The following CAMK1D variants were observed in gnomAD, a reference collection of about 807,000 sequenced individuals.
The protein encoded by CAMK1D is calcium/calmodulin dependent protein kinase ID.
Under a neutral mutation model 47.7 loss-of-function variants are expected in CAMK1D, and 9 were observed. That is an observed-to-expected ratio of 0.19 (90% CI 0.11 to 0.33). CAMK1D has a LOEUF of 0.33. Ranked by LOEUF, CAMK1D falls within the 10% of genes least tolerant of loss-of-function variation. CAMK1D has a pLI of 1.00. For synonymous variants in CAMK1D, 184 were observed against 184.9 expected, an observed-to-expected ratio of 0.99 and a Z score of 0.04; for missense variants, 291 against 488.7, an observed-to-expected ratio of 0.60 and a Z score of 3.81.
intron 1 of CAMK1D, among the ~76,000 whole-genome samples, chr10:12,376,353 A>C (rs1334467550): frequency 2.0e-5 from 3 of 152,018 alleles, no homozygotes; most frequent in Admixed American, 6.6e-5. Context: ...TAAAAGAATA[A>C]GTCAGAGGGC....
At chr10:12,666,052 C>T (rs1047507219) in intron 2 of CAMK1D, among the ~76,000 whole-genome samples, 3 of 152,150 alleles carry the variant, frequency 2.0e-5, no homozygotes, top group African/African-American at 4.8e-5. Context: ...TGTCGTGGGG[C>T]CTGATAATTT....
At chr10:12,425,561 C>T (rs960065335) in intron 1 of CAMK1D, among the ~76,000 whole-genome samples, 11 of 152,108 alleles carry the variant, frequency 7.2e-5, no homozygotes, top group African/African-American at 1.2e-4. Flanking sequence ...GGATTACAGG[C>T]GTGAGCCACC....
intron 1 of CAMK1D, among the ~76,000 whole-genome samples, 184 bp from the exon 2 acceptor site, chr10:12,553,041 C>T (rs1399906384): frequency 6.6e-6 from 1 of 152,132 alleles, no homozygotes; most frequent in Non-Finnish European, 1.5e-5. Flanking sequence ...CTGCGCCGGG[C>T]TGCCCCTGTG....
intron 3 of CAMK1D, among the ~76,000 whole-genome samples, chr10:12,731,398 G>GAT (rs1258066248): frequency 6.6e-6 from 1 of 152,206 alleles, no homozygotes; most frequent in African/African-American, 2.4e-5. Context: ...AATAGAGATT[G>GAT]GAGAAGAGGA....
At chr10:12,619,152 A>G (rs1254590031) in intron 2 of CAMK1D, among the ~76,000 whole-genome samples, 1 of 152,222 alleles carries the variant, frequency 6.6e-6, no homozygotes, top group Non-Finnish European at 1.5e-5. Context: ...CTGTCTGCTA[A>G]GTAGTTTAAG....
chr10:12,460,611 G>A (rs1016107065), intron 1 of CAMK1D, among the ~76,000 whole-genome samples: 2 of 152,026 alleles, frequency 1.3e-5, no homozygotes, highest in African/African-American at 4.8e-5. Context: ...TGTATTTTTA[G>A]TAGACATGGG....
At position 12,771,315 on chromosome 10, in the gene CAMK1D, T is replaced by C. The variant is rs955117254; in HGVS notation, c.565+1516T>C. On this transcript the variant is annotated intron_variant, in intron 5 of 10. Transcript: ENST00000619168. ...CCCACCTGAGAGAGGAGGTATGTTA[T>C]GTGACCAGCATCACCCTGTGGGTCT... 3.3e-5 allele frequency among the ~76,000 whole-genome samples: 5 copies of C among 152,338 alleles called. No individual in the cohort carries two copies. In the East Asian group the frequency reaches 9.6e-4, roughly 29 times the overall value.
chr10:12,547,639 AC>A (rs11393244), intron 1 of CAMK1D, among the ~76,000 whole-genome samples: 3,032 of 109,116 alleles, frequency 0.028, 178 homozygotes, highest in African/African-American at 0.11. Context: ...TCACGAGGAC[AC>A]CCCCCCCCCA....
chr10:12,360,967 A>G (rs1461235905), intron 1 of CAMK1D, among the ~76,000 whole-genome samples: 2 of 152,164 alleles, frequency 1.3e-5, no homozygotes, highest in African/African-American at 2.4e-5. Flanking sequence ...TCACCAGGAA[A>G]AATTCCACTT....
chr10:12,633,056 C>T lies in CAMK1D; in HGVS notation c.225-33680C>T, dbSNP rs575806029. 7.2e-5 allele frequency among the ~76,000 whole-genome samples: 11 copies of T among 152,268 alleles called. No individual in the cohort carries two copies. In the East Asian group the frequency reaches 1.5e-3, roughly 21 times the overall value. ...ATGTGAGTGTTGCCTGACTTGGTGT[C>T]CCCGTGAGGCCCCAGCAGGCTGACC... On this transcript the variant is annotated intron_variant, in intron 2 of 10. Transcript: ENST00000619168.
intron 2 of CAMK1D, among the ~76,000 whole-genome samples, chr10:12,573,019 G>T (rs1469172786): frequency 1.3e-5 from 2 of 152,242 alleles, no homozygotes; most frequent in African/African-American, 4.8e-5. Context: ...GGAGGCGAGT[G>T]TTTAAAGTCT....
chr10:12,547,929 T>TA (rs1836449213), intron 1 of CAMK1D, among the ~76,000 whole-genome samples: 1 of 152,198 alleles, frequency 6.6e-6, no homozygotes, highest in Non-Finnish European at 1.5e-5. Flanking sequence ...GGCTAAATGA[T>TA]AAAGCAGCTG....
chr10:12,471,694 C>T (rs1833750911), intron 1 of CAMK1D, among the ~76,000 whole-genome samples: 1 of 152,112 alleles, frequency 6.6e-6, no homozygotes, highest in African/African-American at 2.4e-5. Flanking sequence ...TCCTTTCCTG[C>T]GAGCACTATT....
chr10:12,779,979 C>T (rs747615713), intron 5 of CAMK1D, among the ~76,000 whole-genome samples: 4 of 152,200 alleles, frequency 2.6e-5, no homozygotes, highest in Non-Finnish European at 5.9e-5. Context: ...ACTTAGTTGC[C>T]ATGTTGGCTG....
chr10:12,812,746 C>A (rs1020012107), intron 6 of CAMK1D, among the ~76,000 whole-genome samples: 2 of 152,204 alleles, frequency 1.3e-5, no homozygotes, highest in Admixed American at 1.3e-4. Context: ...CTTCCTGCAG[C>A]CTTAGGCCCA....
intron 3 of CAMK1D, among the ~76,000 whole-genome samples, chr10:12,716,400 G>A (rs1204982023): frequency 6.6e-6 from 1 of 152,100 alleles, no homozygotes; most frequent in African/African-American, 2.4e-5. Flanking sequence ...AGACCCTCCG[G>A]CTTTCTTGAC....
intron 3 of CAMK1D, among the ~76,000 whole-genome samples, chr10:12,742,002 C>A (rs1835455076): frequency 6.6e-6 from 1 of 152,168 alleles, no homozygotes; most frequent in Admixed American, 6.5e-5. Context: ...TCTGGGGTGT[C>A]CTGAAGGGGA....
intron 4 of CAMK1D, among the ~76,000 whole-genome samples, chr10:12,763,579 C>T (rs1170161260): frequency 3.9e-5 from 6 of 152,198 alleles, no homozygotes; most frequent in Admixed American, 3.9e-4. Context: ...AGAGCAGCAT[C>T]CTTGGCTTCT....
At chr10:12,427,888 A>G (rs917550644) in intron 1 of CAMK1D, among the ~76,000 whole-genome samples, 1 of 150,530 alleles carries the variant, frequency 6.6e-6, no homozygotes, top group Non-Finnish European at 1.5e-5. Flanking sequence ...TTCCATTTTT[A>G]GTAGAGACGG....
Sources: gnomAD v4.1 joint callset for allele counts (sites outside exome capture counted in the v4.1 genomes callset) on GRCh38, gnomAD v4.1.1 for gene constraint, MANE v1.5 for transcripts, NCBI Gene and HGNC (gene_info 2026-07-23, HGNC 2026-07-21) for gene names.